Variants in SHISA6 observed in about 807,000 individuals in gnomAD.
The protein encoded by SHISA6 is protein shisa-6.
A neutral mutation model predicts 47.9 loss-of-function variants in SHISA6; 22 were observed. The observed-to-expected ratio is 0.46, with a 90% CI of 0.33 to 0.66. The LOEUF (loss-of-function observed/expected upper bound fraction) is 0.66. Among genes scored for constraint, SHISA6 ranks in the 30% least tolerant of loss-of-function variants. The pLI, the probability that SHISA6 is intolerant of heterozygous loss-of-function variation, is 0.02. For missense variants in SHISA6, 680 were observed against 764.6 expected (o/e 0.89, Z 1.30); for synonymous variants, 388 against 337.8 (o/e 1.15, Z -1.63).
At chr17:11,503,613 G>A (rs1033801147) in intron 3 of SHISA6, among the ~76,000 whole-genome samples, 1 of 152,156 alleles carries the variant, frequency 6.6e-6, no homozygotes, top group Non-Finnish European at 1.5e-5. Context: ...TCAGAGACCA[G>A]CCTCAGAGAC....
chr17:11,420,704 C>T (rs760002597), intron 3 of SHISA6, among the ~76,000 whole-genome samples: 1 of 152,108 alleles, frequency 6.6e-6, no homozygotes, highest in African/African-American at 2.4e-5. Context: ...GCCACTGGCC[C>T]CAAGAGGAGA....
chr17:11,542,334 G>GAAAAA (rs5819321), intron 3 of SHISA6, among the ~76,000 whole-genome samples: 1 of 122,806 alleles, frequency 8.1e-6, no homozygotes, highest in Non-Finnish European at 1.9e-5. Context: ...AGTGCTACAA[G>GAAAAA]AAAAAAAAAA....
At chr17:11,456,892 T>TG (rs1915553706) in intron 3 of SHISA6, among the ~76,000 whole-genome samples, 1 of 152,194 alleles carries the variant, frequency 6.6e-6, no homozygotes, top group South Asian at 2.1e-4. Flanking sequence ...GCCATTCAAC[T>TG]GGGGGATGCT....
At chr17:11,538,924 T>G (rs954221531) in intron 3 of SHISA6, among the ~76,000 whole-genome samples, 5 of 152,006 alleles carry the variant, frequency 3.3e-5, no homozygotes, top group African/African-American at 9.7e-5. Flanking sequence ...TCTTTGTTTT[T>G]TTGTTGTTGT....
At chr17:11,403,861 T>A (rs1456453363) in intron 3 of SHISA6, among the ~76,000 whole-genome samples, 1 of 152,194 alleles carries the variant, frequency 6.6e-6, no homozygotes, top group Non-Finnish European at 1.5e-5. Context: ...GTGGTGTTCC[T>A]CAGAGACCTC....
intron 2 of SHISA6, among the ~76,000 whole-genome samples, chr17:11,355,636 G>C (rs1183179710): frequency 6.6e-6 from 1 of 152,116 alleles, no homozygotes; most frequent in Non-Finnish European, 1.5e-5. Context: ...AAAACACACT[G>C]ATCTCTGCTT....
chr17:11,457,868 G>A (rs1915585064), intron 3 of SHISA6, among the ~76,000 whole-genome samples: 1 of 151,932 alleles, frequency 6.6e-6, no homozygotes. Context: ...GGTGGATCAC[G>A]AGGTCAGGAG....
chr17:11,394,590 A>G (rs1386786195), intron 3 of SHISA6, among the ~76,000 whole-genome samples: 1 of 152,196 alleles, frequency 6.6e-6, no homozygotes, highest in Non-Finnish European at 1.5e-5. Context: ...CTTTAGCTCA[A>G]TTCTGCACCT....
chr17:11,252,097 T>A (rs1433993393), intron 1 of SHISA6, among the ~76,000 whole-genome samples: 1 of 152,118 alleles, frequency 6.6e-6, no homozygotes, highest in African/African-American at 2.4e-5. Flanking sequence ...CTACTCCTTG[T>A]TAGAAGAGCA....
chr17:11,338,285 C>A (rs1272179140), intron 2 of SHISA6, among the ~76,000 whole-genome samples: 4 of 152,216 alleles, frequency 2.6e-5, no homozygotes, highest in South Asian at 2.1e-4. Flanking sequence ...GAGCTTCTAG[C>A]CCCAAAGTGA....
chr17:11,454,519 A>G (rs776072720), intron 3 of SHISA6, among the ~76,000 whole-genome samples: 15 of 152,068 alleles, frequency 9.9e-5, no homozygotes, highest in Non-Finnish European at 2.2e-4. Flanking sequence ...CACTCAGCCA[A>G]TTTTCCACTT....
rs760151319 is a variant in SHISA6, at chr17:11,445,909, C to T, written c.895+66400C>T. 2.1e-4 allele frequency among the ~76,000 whole-genome samples: 32 copies of T among 152,290 alleles called. 1 individual carries two copies. Among genetic ancestry groups the T allele is most frequent in the Admixed American group, 6.5e-4 (10 of 15,294 alleles). On this transcript the variant is annotated intron_variant, in intron 3 of 5. Transcript: ENST00000441885. ...GTGGTGCAATCTTGGCTCACTGCAA[C>T]CTCTGCCTCCTGGGTTCAAGCGATT...
chr17:11,515,366 G>GGT (rs1567626495), intron 3 of SHISA6, among the ~76,000 whole-genome samples: 93 of 127,756 alleles, frequency 7.3e-4, no homozygotes, highest in African/African-American at 2.8e-3. Context: ...GGAAGGAAGG[G>GGT]AGAGAAAATG....
intron 3 of SHISA6, among the ~76,000 whole-genome samples, chr17:11,436,351 T>C (rs1914939600): frequency 6.6e-6 from 1 of 152,218 alleles, no homozygotes; most frequent in Non-Finnish European, 1.5e-5. Flanking sequence ...CCCAGTCTGG[T>C]ACTTCATTAT....
chr17:11,444,258 G>T (rs1465353235), intron 3 of SHISA6, among the ~76,000 whole-genome samples: 3 of 152,142 alleles, frequency 2.0e-5, no homozygotes, highest in African/African-American at 7.2e-5. Context: ...GGTAGAGGTT[G>T]CAATGAGCTG....
chr17:11,389,401 T>C (rs1913312605), intron 3 of SHISA6, among the ~76,000 whole-genome samples: 1 of 152,144 alleles, frequency 6.6e-6, no homozygotes, highest in Non-Finnish European at 1.5e-5. Context: ...AAAAGGGGAA[T>C]AACTCAGGCA....
chr17:11,268,867 C>G (rs1403299538), intron 2 of SHISA6, among the ~76,000 whole-genome samples: 2 of 152,128 alleles, frequency 1.3e-5, no homozygotes, highest in African/African-American at 4.8e-5. Context: ...AGCACAGATG[C>G]TGGTTATGCA....
At chr17:11,285,849 T>G (rs1436102947) in intron 2 of SHISA6, among the ~76,000 whole-genome samples, 1 of 151,046 alleles carries the variant, frequency 6.6e-6, no homozygotes, top group African/African-American at 2.4e-5. Context: ...TTTTTTTTTT[T>G]TTTTTGAGAT....
At chr17:11,407,044 T>C (rs1913986959) in intron 3 of SHISA6, among the ~76,000 whole-genome samples, 2 of 152,124 alleles carry the variant, frequency 1.3e-5, no homozygotes, top group Non-Finnish European at 1.5e-5. Flanking sequence ...GGAATTTAAA[T>C]AGAACAAAAG....
Sources: gnomAD v4.1 joint callset for allele counts (sites outside exome capture counted in the v4.1 genomes callset) on GRCh38, gnomAD v4.1.1 for gene constraint, MANE v1.5 for transcripts, NCBI Gene and HGNC (gene_info 2026-07-23, HGNC 2026-07-21) for gene names.